Variants in CLUAP1 observed in about 807,000 individuals in gnomAD.
The protein encoded by CLUAP1 is intraflagellar transport 38, also known as clusterin-associated protein 1.
A neutral mutation model predicts 55.0 loss-of-function variants in CLUAP1; 50 were observed. That is an observed-to-expected ratio of 0.91 (90% CI 0.72 to 1.15). The LOEUF is 1.15. Ranked by LOEUF, CLUAP1 falls within the 50% of genes most tolerant of loss-of-function variation. The pLI, the probability that CLUAP1 is intolerant of heterozygous loss-of-function variation, is 0.00. For missense variants in CLUAP1, 530 were observed against 507.6 expected (o/e 1.04, Z -0.42); for synonymous variants, 195 against 175.4 (o/e 1.11, Z -0.88).
At chr16:3,506,575 C>G (rs1222415863) in intron 3 of CLUAP1, among the ~76,000 whole-genome samples, 160 bp downstream of exon 3, 3 of 152,102 alleles carry the variant, frequency 2.0e-5, no homozygotes, top group Non-Finnish European at 4.4e-5. Flanking sequence ...GTGGCACAAT[C>G]TTGGCTCACT....
intron 4 of CLUAP1, among the ~76,000 whole-genome samples, chr16:3,511,012 G>A (rs1434721145): frequency 6.6e-6 from 1 of 152,192 alleles, no homozygotes; most frequent in South Asian, 2.1e-4. Context: ...AAGACGGGGG[G>A]TCCAGGAATG....
chr16:3,500,728 A>G (rs2037375078), upstream of CLUAP1, among the ~76,000 whole-genome samples: 1 of 152,134 alleles, frequency 6.6e-6, no homozygotes, highest in African/African-American at 2.4e-5. Context: ...GAAAGCGCCT[A>G]GCGCAATATC....
chr16:3,499,306 C>T (rs539202916), upstream of CLUAP1, among the ~76,000 whole-genome samples: 1 of 152,210 alleles, frequency 6.6e-6, no homozygotes, highest in African/African-American at 2.4e-5. Context: ...GATTGTGCCA[C>T]TGCACTCCAG....
chr16:3,510,298 A>ATTTT (rs562528367), intron 4 of CLUAP1, among the ~76,000 whole-genome samples: 5 of 129,644 alleles, frequency 3.9e-5, no homozygotes, highest in Admixed American at 3.9e-4. Flanking sequence ...CCGGCTTTGT[A>ATTTT]TTTTTTTTTT....
At chr16:3,535,069 C>A in intron 11 of CLUAP1, 1 of 153,096 alleles carries the variant, frequency 6.5e-6, no homozygotes, top group Non-Finnish European at 1.5e-5. Flanking sequence ...GGCTGAGGGG[C>A]GTCAGCAGTG....
chr16:3,505,987 G>A lies in CLUAP1; in HGVS notation c.135-344G>A, dbSNP rs1051890516. On this transcript the variant is annotated intron_variant, in intron 2 of 11. Transcript: ENST00000576634. ...AGAAAATAACTTCACCAACTCTGCTGCTGCTTAGAGCTGACTAATCGGCCC... is the reference window on the plus strand; with the variant it reads ...AGAAAATAACTTCACCAACTCTGCTACTGCTTAGAGCTGACTAATCGGCCC... 9.2e-5 allele frequency among the ~76,000 whole-genome samples: 14 copies of A among 152,318 alleles called. 1 individual carries two copies. The Middle Eastern group carries it at 0.01, about 111-fold the overall frequency.
In CLUAP1 at chr16:3,532,814, G is replaced by C. The variant is rs34157154; in HGVS notation, c.1065G>C (p.Thr355=). Residue 355 remains threonine, a synonymous_variant, in exon 11 of 12, where the codon ACG becomes ACC. Transcript: ENST00000576634. ...QGRPGKRIVG[T]MQGGDSDDNE... ...GACCTGGCAAACGCATTGTGGGCAC[G>C]ATGCAAGGTGGAGACTCCGATGACA... is the stretch of plus-strand genomic sequence containing the variant. 5 of 1,614,074 alleles carry C rather than the reference G, an allele frequency of 3.1e-6. No individual in the cohort carries two copies. The East Asian group carries it at 1.1e-4, about 36-fold the overall frequency.
chr16:3,529,373 GTA>G (rs1217963544), intron 9 of CLUAP1, among the ~76,000 whole-genome samples: 1 of 103,398 alleles, frequency 9.7e-6, no homozygotes, highest in Non-Finnish European at 1.8e-5. Context: ...GGCCAGTTTT[GTA>G]TGTGTGTGTG....
chr16:3,496,430 G>A (rs1034997174), upstream of CLUAP1: 18 of 843,574 alleles, frequency 2.1e-5, no homozygotes, highest in Middle Eastern at 2.9e-4. Flanking sequence ...TCCTGGCTGG[G>A]AAAACAAAAC....
chr16:3,501,125 T>G, intron 1 of CLUAP1, 36 bp downstream of exon 1: 2 of 1,568,530 alleles, frequency 1.3e-6, no homozygotes, highest in Non-Finnish European at 1.7e-6. Flanking sequence ...CCTGCGGGTC[T>G]TCCAGAGATT....
chr16:3,529,715 A>T lies in CLUAP1; in HGVS notation c.929-853A>T, dbSNP rs186479471. On this transcript the variant is annotated intron_variant, in intron 9 of 11. Coordinates refer to ENST00000576634, the MANE Select transcript of CLUAP1 (RefSeq NM_015041.3). ...TATATTATATATTATATATTATATA[A>T]TATTATATATTATATATATTATTAT... Among the ~76,000 whole-genome samples, 12 of 23,466 alleles carry T rather than the reference A, an allele frequency of 5.1e-4. 1 individual carries two copies. The highest frequency in any genetic ancestry group is 3.9e-3 in the South Asian group (3 of 776). 15.4% of individuals were successfully genotyped at this position (23,466 alleles called of 152,430 possible).
chr16:3,523,909 T>C (rs1257682255), intron 8 of CLUAP1, among the ~76,000 whole-genome samples: 2 of 152,196 alleles, frequency 1.3e-5, no homozygotes, highest in African/African-American at 4.8e-5. Flanking sequence ...GAGGTTGCAG[T>C]GAGCCAAGAT....
intron 10 of CLUAP1, 65 bp downstream of exon 10, chr16:3,530,740 C>A: frequency 1.6e-6 from 2 of 1,262,354 alleles, no homozygotes; most frequent in Non-Finnish European, 2.3e-6. Flanking sequence ...CTGGCCAGGA[C>A]TGGGGCAGGC....
In CLUAP1 at chr16:3,537,572, G is replaced by A. The variant is rs978607501; in HGVS notation, c.*1301G>A. 2 of 152,208 alleles carry A rather than the reference G, an allele frequency of 1.3e-5. No homozygotes were observed. The highest frequency in any genetic ancestry group is 2.4e-5 in the African/African-American group (1 of 41,398). The allele number at this position is 152,208 out of a possible 1,614,324, so 9.4% of individuals were successfully genotyped here. On this transcript the variant is annotated 3_prime_UTR_variant, in exon 12 of 12. Coordinates refer to ENST00000576634, the MANE Select transcript of CLUAP1 (RefSeq NM_015041.3). ...TGGTCTCAGCTATTCAGGAGGCTGA[G>A]GCAGGAGAATCACTTGAGACCAGGA...
At position 3,532,896 on chromosome 16, in the gene CLUAP1, A is replaced by T. The variant is rs61730657; in HGVS notation, c.1092+55A>T. The T allele has an allele frequency of 5.2e-3, 8,332 of 1,591,488 alleles. 26 individuals carry two copies. Among genetic ancestry groups the T allele is most frequent in the Non-Finnish European group, 6.6e-3 (7,642 of 1,159,486 alleles). On this transcript the variant is annotated intron_variant, in intron 11 of 11. Coordinates refer to ENST00000576634, the MANE Select transcript of CLUAP1 (RefSeq NM_015041.3). The stretch of plus-strand genomic sequence containing the variant: ...GTGCACTCTGGGTTTGGCTGTCCCC[A>T]TAGATGGGAGTGGCTGAGTTGCTGT...
rs368020218 is a variant in CLUAP1, at chr16:3,510,678, G to A, written c.400-1705G>A. The stretch of plus-strand genomic sequence containing the variant: ...GTGGCAAGCACAACTGAGGAACTGA[G>A]TTGAGTTCTGCATTTTCTTTAATTC... On this transcript the variant is annotated intron_variant, in intron 4 of 11. Transcript: ENST00000576634. 1.5e-3 allele frequency among the ~76,000 whole-genome samples: 235 copies of A among 152,252 alleles called. 4 individuals are homozygous for A. Among genetic ancestry groups the A allele is most frequent in the South Asian group, 9.9e-3 (48 of 4,826 alleles).
intron 9 of CLUAP1, 193 bp from the exon 10 acceptor site, chr16:3,530,375 A>T (rs962579438): frequency 1.9e-6 from 1 of 537,298 alleles, no homozygotes; most frequent in Non-Finnish European, 3.3e-6. Context: ...CCTGAGGTAC[A>T]TGTATTAATT....
Position 3,522,154 on chromosome 16 carries a change from CATT to C in CLUAP1, c.714-985_714-983del, listed in dbSNP as rs528557327. Among the ~76,000 whole-genome samples, 618 of 151,746 alleles carry C rather than the reference CATT, an allele frequency of 4.1e-3. 2 individuals are homozygous for C. Among genetic ancestry groups the C allele is most frequent in the Non-Finnish European group, 5.2e-3 (351 of 67,882 alleles). On this transcript the variant is annotated intron_variant, in intron 7 of 11. Coordinates refer to ENST00000576634, the MANE Select transcript of CLUAP1 (RefSeq NM_015041.3). ...AATTTATAATATCCTGACAGTAGAA[CATT>C]ATTATTATTATTATTATTTCTTTTG...
intron 5 of CLUAP1, among the ~76,000 whole-genome samples, chr16:3,512,753 T>C (rs1214346811): frequency 1.3e-5 from 2 of 152,228 alleles, no homozygotes; most frequent in African/African-American, 2.4e-5. Context: ...CAATCTCGTC[T>C]CACTGCAAGC....
Sources: allele counts gnomAD v4.1 joint callset (sites outside exome capture counted in the v4.1 genomes callset), GRCh38; gene constraint gnomAD v4.1.1; transcripts MANE v1.5; gene names NCBI Gene and HGNC (gene_info 2026-07-23, HGNC 2026-07-21).